Variants in IPO9 observed in about 807,000 individuals in gnomAD.
IPO9 encodes importin-9.
In IPO9, 28 loss-of-function variants were observed where a neutral mutation model predicts 128.6. That is an observed-to-expected ratio of 0.22 (90% CI 0.16 to 0.30). The LOEUF (loss-of-function observed/expected upper bound fraction) is 0.30. IPO9 is among the 10% of genes least tolerant of loss of function. IPO9 has a pLI of 1.00. For synonymous variants in IPO9, 455 were observed against 475.8 expected (o/e 0.96, Z 0.57); for missense variants, 935 against 1,293.9 (o/e 0.72, Z 4.26).
At chr1:201,854,079 C>T (rs540576900) in intron 6 of IPO9, among the ~76,000 whole-genome samples, 1 of 152,266 alleles carries the variant, frequency 6.6e-6, no homozygotes, top group South Asian at 2.1e-4. Context: ...CCCTATGTTG[C>T]CCAGGCTCAT....
rs184389099 is a variant in IPO9, at chr1:201,863,431, T to C, written c.1469-17T>C. Reference sequence around the variant, plus strand: ...ATTTTCATTTTCCAGCCCCTAATTGTTCTGTCTTTCTCCCAGTGTCTCCTT... The same window carrying C: ...ATTTTCATTTTCCAGCCCCTAATTGCTCTGTCTTTCTCCCAGTGTCTCCTT... On this transcript the variant is annotated splice_polypyrimidine_tract_variant and intron_variant, in intron 13 of 23. Coordinates refer to ENST00000361565, the MANE Select transcript of IPO9 (RefSeq NM_018085.5). The C allele has an allele frequency of 2.9e-5, 45 of 1,554,576 alleles. No homozygotes were observed. In the East Asian group the frequency reaches 1.0e-3, roughly 35 times the overall value.
chr1:201,847,433 T>C, intron 2 of IPO9, 93 bp downstream of exon 2: 1 of 1,361,792 alleles, frequency 7.3e-7, no homozygotes. Flanking sequence ...AGTGTATAAA[T>C]AACCTAGGAT....
chr1:201,833,435 C>T (rs1019143826), intron 1 of IPO9, among the ~76,000 whole-genome samples: 29 of 151,996 alleles, frequency 1.9e-4, no homozygotes, highest in African/African-American at 6.0e-4. Context: ...GATGGAGTTT[C>T]ACCATGTTAG....
chr1:201,838,646 G>A (rs1329437134), intron 1 of IPO9, among the ~76,000 whole-genome samples: 1 of 151,958 alleles, frequency 6.6e-6, no homozygotes, highest in Non-Finnish European at 1.5e-5. Flanking sequence ...CTTCTTCTGT[G>A]GCGGTCATGC....
Position 201,872,976 on chromosome 1 carries a change from G to T in IPO9, c.2710+15G>T, listed in dbSNP as rs201455617. 1 of 1,606,684 alleles carries T rather than the reference G, an allele frequency of 6.2e-7. No individual in the cohort carries two copies. The highest frequency in any genetic ancestry group is 1.1e-5 in the South Asian group (1 of 90,076). On this transcript the variant is annotated intron_variant, in intron 20 of 23. Coordinates refer to ENST00000361565, the MANE Select transcript of IPO9 (RefSeq NM_018085.5). The stretch of plus-strand genomic sequence containing the variant: ...GTCAGCCAAAAGTGGGTGCTGCTGC[G>T]ATTCTTCCAATCCTCTCCCTATACG...
intron 1 of IPO9, among the ~76,000 whole-genome samples, chr1:201,839,055 G>T (rs79606698): frequency 0.088 from 13,411 of 151,670 alleles, 842 homozygotes; most frequent in East Asian, 0.31. Context: ...AAGTAGCTGG[G>T]ACTACAGGCG....
At chr1:201,833,666 C>T (rs1158290401) in intron 1 of IPO9, among the ~76,000 whole-genome samples, 4 of 152,142 alleles carry the variant, frequency 2.6e-5, no homozygotes. Flanking sequence ...GGAGATGATG[C>T]CAGTAACCAC....
At chr1:201,868,888 T>TA in intron 16 of IPO9, 92 bp downstream of exon 16, 1 of 1,418,734 alleles carries the variant, frequency 7.0e-7, no homozygotes, top group Non-Finnish European at 9.3e-7. Context: ...CTAATAGCGT[T>TA]AGAGATTCAT....
chr1:201,846,415 C>G (rs1220250574), intron 1 of IPO9, among the ~76,000 whole-genome samples: 1 of 152,208 alleles, frequency 6.6e-6, no homozygotes, highest in Non-Finnish European at 1.5e-5. Context: ...CTCTGTAGCC[C>G]AGGCTGAAAT....
Position 201,840,244 on chromosome 1 carries a change from C to T in IPO9, c.164-7035C>T, listed in dbSNP as rs115200877. Among the ~76,000 whole-genome samples the T allele has an allele frequency of 5.0e-3, 757 of 152,280 alleles. 5 individuals are homozygous for T. Among genetic ancestry groups the T allele is most frequent in the African/African-American group, 0.017 (714 of 41,562 alleles). On this transcript the variant is annotated intron_variant, in intron 1 of 23. Transcript: ENST00000361565. ...AGCCGAGGCTACAGGCATGAGCCAC[C>T]GTGCCCAGCTATTTTGGTGTTTCAC...
rs1197200115 is a variant in IPO9, at chr1:201,866,852, T to C, written c.1748T>C (p.Val583Ala). The C allele has an allele frequency of 6.2e-7, 1 of 1,614,072 alleles. No individual in the cohort carries two copies. The highest frequency in any genetic ancestry group is 8.5e-7 in the Non-Finnish European group (1 of 1,180,030). Residue 583 changes from valine to alanine, a missense_variant, in exon 15 of 24, where the codon GTG (valine) becomes GCG (alanine). Coordinates refer to ENST00000361565, the MANE Select transcript of IPO9 (RefSeq NM_018085.5). ...AQFSSEVLNLVMETLCIVCTV... is the reference protein window; with the variant it reads ...AQFSSEVLNLAMETLCIVCTV... ...TTCAGCTCAGAGGTCCTCAACCTGG[T>C]GATGGAGACCCTGTGCATCGTTTGT...
rs376962831 is a variant in IPO9 at position 201,875,946 on chromosome 1, A to T, written c.3018A>T (p.Ala1006=). The change falls in exon 24 of 24, where the codon GCA becomes GCT. Residue 1006 remains alanine (A), a splice_region_variant and synonymous_variant. Coordinates refer to ENST00000361565, the MANE Select transcript of IPO9 (RefSeq NM_018085.5). ...KDPLYQIDLQ[A]YLTDFLCQFA... ...GCCACTCTTGCTCTTTCCTCCAGGC[A>T]TATCTCACAGATTTCCTCTGCCAGT... 8 of 1,599,348 alleles carry T rather than the reference A, an allele frequency of 5.0e-6. No homozygotes were observed. In the African/African-American group the frequency reaches 1.1e-4, roughly 21 times the overall value.
rs374005170 is a variant in IPO9, at chr1:201,866,798, T to C, written c.1694T>C (p.Leu565Pro). The C allele has an allele frequency of 1.9e-6, 3 of 1,614,046 alleles. No homozygotes were observed. Among genetic ancestry groups the C allele is most frequent in the Admixed American group, 1.7e-5 (1 of 59,992 alleles). Residue 565 changes from leucine (L) to proline (P), a missense_variant, in exon 15 of 24, where the codon CTT becomes CCT. Physicochemically the swap from Leu to Pro is moderately conservative, Grantham distance 98 (BLOSUM62 -3). Around this residue, in one of 3 missense-constraint regions of IPO9, gnomAD observed 741 missense variants for 1,019.1 expected, o/e 0.73. Coordinates refer to ENST00000361565, the MANE Select transcript of IPO9 (RefSeq NM_018085.5). ...CTCCAGCCCTTCCTCCCCAGCATCC[T>C]TGATGGCTTAATTCACCTAGCAGCC... ...HVLQPFLPSI[L>P]DGLIHLAAQF...
chr1:201,858,808 T>C (rs767478339), intron 12 of IPO9, 47 bp from the exon 13 acceptor site: 84 of 1,554,678 alleles, frequency 5.4e-5, no homozygotes, highest in Non-Finnish European at 4.8e-5. Context: ...TATTTATCTC[T>C]TTTGGCAGTT....
chr1:201,869,839 A>G, intron 17 of IPO9, 121 bp downstream of exon 17: 1 of 1,234,136 alleles, frequency 8.1e-7, no homozygotes, highest in Non-Finnish European at 1.1e-6. Flanking sequence ...CTCCATATTT[A>G]CTTAGCAGAT....
At chr1:201,859,042 G>A (rs375372679) in intron 13 of IPO9, 48 bp downstream of exon 13, 1 of 1,575,478 alleles carries the variant, frequency 6.3e-7, no homozygotes, top group Non-Finnish European at 8.7e-7. Flanking sequence ...TAAACCTGTT[G>A]TGGGGTTGGG....
In IPO9 at chr1:201,878,786, T is replaced by C. The variant is rs1414862440; in HGVS notation, c.*2732T>C. ...AAGAGTGGAGAGACTGTGTCCAGTG[T>C]CAGCAGGAAGAAAAAAGATCTGTTG... On this transcript the variant is annotated 3_prime_UTR_variant, in exon 24 of 24. Transcript: ENST00000361565. The C allele has an allele frequency of 6.6e-6, 1 of 152,192 alleles. No individual in the cohort carries two copies. The highest frequency in any genetic ancestry group is 1.5e-5 in the Non-Finnish European group (1 of 68,030). The allele number at this position is 152,192 out of a possible 1,614,324, so 9.4% of individuals were successfully genotyped here. A position where few individuals can be genotyped will look rare whatever the true frequency, so the allele number is the denominator to read the frequency against.
Position 201,853,116 on chromosome 1 carries a change from C to A in IPO9, c.690+19C>A. ...GGAAAAGGTAAGCAGGTCTTTGGAT[C>A]AATAACAGACTTCATGCTTAAAAGT... On this transcript the variant is annotated intron_variant, in intron 6 of 23. Transcript: ENST00000361565. 6.3e-7 allele frequency: 1 copy of A among 1,595,510 alleles called. No individual in the cohort carries two copies. The highest frequency in any genetic ancestry group is 8.6e-7 in the Non-Finnish European group (1 of 1,163,094).
chr1:201,871,100 T>C, intron 18 of IPO9, 61 bp from the exon 19 acceptor site: 1 of 1,534,942 alleles, frequency 6.5e-7, no homozygotes, highest in Non-Finnish European at 8.9e-7. Context: ...GCCAGTTCCC[T>C]CTCATCTCCT....
Sources: allele counts gnomAD v4.1 joint callset (sites outside exome capture counted in the v4.1 genomes callset), GRCh38; gene constraint gnomAD v4.1.1; regional missense constraint gnomAD v4.1.1; transcripts MANE v1.5; gene names NCBI Gene and HGNC (gene_info 2026-07-23, HGNC 2026-07-21).